Variants in DHX8 observed in about 807,000 individuals in gnomAD.
DHX8 encodes the protein DEAH-box helicase 8.
A neutral mutation model predicts 140.7 loss-of-function variants in DHX8; 67 were observed. The observed-to-expected ratio is 0.48, with a 90% CI of 0.39 to 0.58. DHX8 has a LOEUF of 0.58. Ranked by LOEUF, DHX8 falls within the 20% of genes least tolerant of loss-of-function variation. The pLI is 0.00. For synonymous variants in DHX8, 533 were observed against 553.2 expected (o/e 0.96, Z 0.51); for missense variants, 887 against 1,550.7 (o/e 0.57, Z 7.19).
rs764811072 is a variant in DHX8 at position 43,493,435 on chromosome 17, T to C, written c.864-10T>C. On this transcript the variant is annotated splice_polypyrimidine_tract_variant and intron_variant, in intron 6 of 22. Coordinates refer to ENST00000262415, the MANE Select transcript of DHX8 (RefSeq NM_004941.3). Reference sequence around the variant, plus strand: ...TTGGCATGTTCCAGATGTGTCTGGCTCTCCCTCAGGAAGCGGTGGGAAGGC... The same window carrying C: ...TTGGCATGTTCCAGATGTGTCTGGCCCTCCCTCAGGAAGCGGTGGGAAGGC... The C allele has an allele frequency of 1.9e-6, 3 of 1,613,990 alleles. No individual in the cohort carries two copies. The highest frequency in any genetic ancestry group is 1.7e-6 in the Non-Finnish European group (2 of 1,179,984).
At chr17:43,515,114 T>C (rs1370925823) in intron 17 of DHX8, among the ~76,000 whole-genome samples, 2 of 152,250 alleles carry the variant, frequency 1.3e-5, no homozygotes, top group Non-Finnish European at 2.9e-5. Flanking sequence ...GGGTATGTAT[T>C]ACTTTCATAA....
At position 43,491,273 on chromosome 17, in the gene DHX8, G is replaced by A. The variant is rs781377686; in HGVS notation, c.393+23G>A. On this transcript the variant is annotated intron_variant, in intron 4 of 22. Coordinates refer to ENST00000262415, the MANE Select transcript of DHX8 (RefSeq NM_004941.3). ...CGGGTACTGATACCATTTTAAGAGT[G>A]TCTACTATAAATATATATTCTCAAC... 3.8e-6 allele frequency: 5 copies of A among 1,306,312 alleles called. 1 individual carries two copies. The Admixed American group carries it at 9.9e-5, about 26-fold the overall frequency. 80.9% of individuals were successfully genotyped at this position (1,306,312 alleles called of 1,614,324 possible). A position where few individuals can be genotyped will look rare whatever the true frequency, so the allele number is the denominator to read the frequency against.
intron 11 of DHX8, 57 bp downstream of exon 11, chr17:43,500,160 AC>A: frequency 5.7e-6 from 9 of 1,577,242 alleles, no homozygotes; most frequent in Non-Finnish European, 7.8e-6. Flanking sequence ...CTTTCAGAAC[AC>A]AGGGAGGGGT....
chr17:43,530,967 G>A (rs565952149), downstream of DHX8, among the ~76,000 whole-genome samples: 11 of 152,226 alleles, frequency 7.2e-5, no homozygotes, highest in African/African-American at 2.4e-4. Flanking sequence ...GGGGGGAGGG[G>A]CAGGAGTTCA....
At chr17:43,505,999 T>TTG (rs149299592) in intron 12 of DHX8, among the ~76,000 whole-genome samples, 263 of 150,308 alleles carry the variant, frequency 1.7e-3, no homozygotes, top group Middle Eastern at 0.01. Flanking sequence ...TCTCAGAGAT[T>TTG]TGTGTGTGTG....
chr17:43,507,714 C>T lies in DHX8; in HGVS notation c.2109+26C>T, dbSNP rs1205038989. 4.3e-6 allele frequency: 7 copies of T among 1,612,744 alleles called. No individual in the cohort carries two copies. The African/African-American group carries it at 8.0e-5, about 18-fold the overall frequency. On this transcript the variant is annotated intron_variant, in intron 14 of 22. Coordinates refer to ENST00000262415, the MANE Select transcript of DHX8 (RefSeq NM_004941.3). ...GTAACTAGATGCTCTTTAATGACCC[C>T]TCTACCTGTTGGAAGCTGAATTCTG...
intron 16 of DHX8, among the ~76,000 whole-genome samples, chr17:43,511,455 C>CCTTTTTTTTTT (rs1279628229): frequency 1.5e-4 from 1 of 6,594 alleles, no homozygotes; most frequent in African/African-American, 5.6e-4. Flanking sequence ...GTGATCCCAG[C>CCTTTTTTTTTT]ATTTTTTTTT....
At chr17:43,544,740 T>G (rs976238728), downstream of DHX8, 3 of 482,476 alleles carry the variant, frequency 6.2e-6, no homozygotes, top group Non-Finnish European at 1.1e-5. Context: ...TGATTCATCC[T>G]CAAGCCTAGT....
At position 43,507,992 on chromosome 17, in the gene DHX8, A is replaced by T. The variant is rs1272518018; in HGVS notation, c.2293A>T (p.Met765Leu). The T allele has an allele frequency of 3.7e-6, 6 of 1,614,054 alleles. No individual in the cohort carries two copies. The highest frequency in any genetic ancestry group is 5.1e-6 in the Non-Finnish European group (6 of 1,180,034). Residue 765 changes from methionine (M) to leucine (L), a missense_variant, in exon 15 of 23, where the codon ATG (methionine) becomes TTG (leucine). Around this residue, in one of 9 missense-constraint regions of DHX8, gnomAD observed 151 missense variants for 388.3 expected, o/e 0.39. Transcript: ENST00000262415. ...TCTGGATGCCAGCCTGATTACTGTT[A>T]TGCAGATTCATTTAACAGAACCACC... ...DYLDASLITV[M>L]QIHLTEPPGD...
chr17:43,506,697 T>C (rs143035875), intron 12 of DHX8, among the ~76,000 whole-genome samples: 3 of 152,020 alleles, frequency 2.0e-5, no homozygotes, highest in African/African-American at 7.2e-5. Context: ...CCTATATCCA[T>C]AGAAACATCG....
chr17:43,526,558 T>A (rs1188062105), downstream of DHX8: 1 of 1,535,578 alleles, frequency 6.5e-7, no homozygotes. Context: ...CTCTCCAAGT[T>A]TGAGGATTTG....
rs1477416696 is a variant in DHX8, at chr17:43,523,898, C to A, written c.*51C>A. The A allele has an allele frequency of 1.2e-6, 2 of 1,607,504 alleles. No individual in the cohort carries two copies. The highest frequency in any genetic ancestry group is 1.7e-6 in the Non-Finnish European group (2 of 1,176,376). Reference sequence around the variant, plus strand: ...CCAGCAGCAGTAGCCAGGGCTTGGACTTATCGATGACAGGCTGGTCCTGAG... The same window carrying A: ...CCAGCAGCAGTAGCCAGGGCTTGGAATTATCGATGACAGGCTGGTCCTGAG... On this transcript the variant is annotated 3_prime_UTR_variant, in exon 23 of 23. Coordinates refer to ENST00000262415, the MANE Select transcript of DHX8 (RefSeq NM_004941.3).
rs531779041 is a variant in DHX8 at position 43,521,342 on chromosome 17, A to G, written c.3067-27A>G. ...TCAGTTAGTAGCTGTTGAGTCGGAA[A>G]TGTTCCTCTGTCCCACTGCTTGGCA... On this transcript the variant is annotated intron_variant, in intron 20 of 22. Coordinates refer to ENST00000262415, the MANE Select transcript of DHX8 (RefSeq NM_004941.3). 421 of 1,587,540 alleles carry G rather than the reference A, an allele frequency of 2.7e-4. 6 individuals carry two copies. The South Asian group carries it at 4.6e-3, about 17-fold the overall frequency.
chr17:43,522,875 C>T (rs1480560498), intron 22 of DHX8, among the ~76,000 whole-genome samples: 1 of 151,150 alleles, frequency 6.6e-6, no homozygotes, highest in African/African-American at 2.4e-5. Context: ...GCCAACCTGA[C>T]CAACATAGTG....
chr17:43,536,671 T>C (rs559649278), intron 3 of DHX8, among the ~76,000 whole-genome samples: 1 of 152,374 alleles, frequency 6.6e-6, no homozygotes, highest in African/African-American at 2.4e-5. Context: ...TAACGATAGC[T>C]GATGAACTTA....
intron 22 of DHX8, among the ~76,000 whole-genome samples, chr17:43,522,770 C>T (rs946238871): frequency 1.7e-5 from 1 of 59,388 alleles, no homozygotes. Context: ...AAAAAAAAAC[C>T]AACTACCTAG....
At chr17:43,530,338 G>A, downstream of DHX8, 3 of 1,478,734 alleles carry the variant, frequency 2.0e-6, no homozygotes, top group Non-Finnish European at 2.7e-6. Context: ...CAAAATCCCA[G>A]GGAAAGTTCA....
At chr17:43,515,677 C>G (rs988327479) in intron 17 of DHX8, among the ~76,000 whole-genome samples, 2 of 152,154 alleles carry the variant, frequency 1.3e-5, no homozygotes, top group African/African-American at 4.8e-5. Context: ...TAGCCTGGCT[C>G]CAGCTTGTAT....
chr17:43,493,553 G>T lies in DHX8; in HGVS notation c.972G>T (p.Leu324=). ...GCCAGAGGGTCAAAGTCAAAGTGCTGTCCTTCACTGGGACCAAGACCAGCC... is the reference window on the plus strand; with the variant it reads ...GCCAGAGGGTCAAAGTCAAAGTGCTTTCCTTCACTGGGACCAAGACCAGCC... ...SKGQRVKVKV[L]SFTGTKTSLS... is the part of the protein sequence containing the mutation. Residue 324 remains leucine, a synonymous_variant, in exon 7 of 23, where the codon CTG becomes CTT. Coordinates refer to ENST00000262415, the MANE Select transcript of DHX8 (RefSeq NM_004941.3). 6.2e-7 allele frequency: 1 copy of T among 1,614,168 alleles called. No individual in the cohort carries two copies.
Sources: gnomAD v4.1 joint callset for allele counts (sites outside exome capture counted in the v4.1 genomes callset) on GRCh38, gnomAD v4.1.1 for gene constraint, gnomAD v4.1.1 regional missense constraint, MANE v1.5 for transcripts, NCBI Gene and HGNC (gene_info 2026-07-23, HGNC 2026-07-21) for gene names.